Variants in SLFN14 observed in about 807,000 individuals in gnomAD.
SLFN14 encodes protein SLFN14.
A neutral mutation model predicts 58.6 loss-of-function variants in SLFN14; 47 were observed. That is an observed-to-expected ratio of 0.80 (90% CI 0.64 to 1.02). The LOEUF (loss-of-function observed/expected upper bound fraction) is 1.02. Among genes scored for constraint, SLFN14 ranks in the 50% least tolerant of loss-of-function variants. The pLI is 0.00. For synonymous variants in SLFN14, 390 were observed against 387.3 expected (o/e 1.01, Z -0.08); for missense variants, 967 against 1,078.4 (o/e 0.90, Z 1.45).
Position 35,554,576 on chromosome 17 carries a change from C to G in SLFN14, c.1189G>C (p.Val397Leu), listed in dbSNP as rs1340834426. The G allele has an allele frequency of 2.6e-6, 4 of 1,523,234 alleles. No homozygotes were observed. In the East Asian group the frequency reaches 1.0e-4, roughly 39 times the overall value. The allele number at this position is 1,523,234 out of a possible 1,614,324, so 94.4% of individuals were successfully genotyped here. The change falls in exon 4 of 6, where the codon GTG becomes CTG. Residue 397 changes from valine to leucine, a missense_variant and splice_region_variant. Transcript: ENST00000674182. ...KEALQRHLFPVTQEEVQFKPE... is the reference protein window; with the variant it reads ...KEALQRHLFPLTQEEVQFKPE... ...CTAAGTTGAAATCAAGAGGGAATAC[C>G]TGGAAACAAATGTCGTTGCAGAGCC... is the stretch of plus-strand genomic sequence containing the variant.
chr17:35,553,226 A>G lies in SLFN14; in HGVS notation c.1408T>C (p.Tyr470His). Residue 470 changes from tyrosine to histidine, a missense_variant, in exon 5 of 6, where the codon TAT becomes CAT. Physicochemically the swap from Tyr to His is moderately conservative, Grantham distance 83. Coordinates refer to ENST00000674182, the MANE Select transcript of SLFN14 (RefSeq NM_001129820.2). ...CAATTGGGGTCTATTAAGATTGTAT[A>G]GAGTACCACGGGGCTGTTAACTGCT... ...LIAVNSPVVL[Y>H]TILIDPNWPG... 1 of 1,551,714 alleles carries G rather than the reference A, an allele frequency of 6.4e-7. No individual in the cohort carries two copies. The highest frequency in any genetic ancestry group is 2.4e-5 in the East Asian group (1 of 40,926).
At chr17:35,556,960 G>A (rs545650726) in intron 3 of SLFN14, 43 bp downstream of exon 3, 1 of 1,482,154 alleles carries the variant, frequency 6.7e-7, no homozygotes, top group African/African-American at 1.4e-5. Flanking sequence ...AGAGAAAGGG[G>A]TTCCTCCCTG....
In SLFN14 at chr17:35,557,850, G is replaced by C; in HGVS notation, c.213C>G (p.Tyr71Ter). 6.4e-7 allele frequency: 1 copy of C among 1,551,668 alleles called. No homozygotes were observed. Residue 71 changes from tyrosine (Y) to a stop codon, truncating the protein, a stop_gained, in exon 3 of 6, where the codon TAC (tyrosine) becomes TAG (stop). Transcript: ENST00000674182. LOFTEE classifies it high-confidence loss of function. The stretch of plus-strand genomic sequence containing the variant: ...AATCCTGTCCCAGCCCATGGCATTG[G>C]TAACTATAGGTTTTATCATCAATCT... ...KAEIDDKTYS[Y>*]QCHGLGQDLE...
Position 35,557,834 on chromosome 17 carries a change from C to T in SLFN14, c.229G>A (p.Gly77Arg), listed in dbSNP as rs1463851112. 3.9e-6 allele frequency: 6 copies of T among 1,551,580 alleles called. No homozygotes were observed. Among genetic ancestry groups the T allele is most frequent in the Non-Finnish European group, 5.2e-6 (6 of 1,147,002 alleles). ...TGAAAAGAAGTTTCCAAATCCTGTC[C>T]CAGCCCATGGCATTGGTAACTATAG... ...KTYSYQCHGL[G>R]QDLETSFQKL... Residue 77 changes from glycine (G) to arginine (R), a missense_variant, in exon 3 of 6, where the codon GGA becomes AGA. Transcript: ENST00000674182.
In SLFN14 at chr17:35,547,757, A is replaced by G. The variant is rs2072545303; in HGVS notation, c.*482T>C. ...TAACCAGCCTGGAGGGCACCATACC[A>G]CCACCCAAAAATTATGCCAGGTGGG... On this transcript the variant is annotated 3_prime_UTR_variant, in exon 6 of 6. Coordinates refer to ENST00000674182, the MANE Select transcript of SLFN14 (RefSeq NM_001129820.2). Among the ~76,000 whole-genome samples, 1 of 152,158 alleles carries G rather than the reference A, an allele frequency of 6.6e-6. No homozygotes were observed.
In SLFN14 at chr17:35,546,438, C is replaced by T. The variant is rs555922544; in HGVS notation, c.*1801G>A. Among the ~76,000 whole-genome samples the T allele has an allele frequency of 2.4e-4, 37 of 152,326 alleles. No individual in the cohort carries two copies. The highest frequency in any genetic ancestry group is 8.9e-4 in the African/African-American group (37 of 41,570). On this transcript the variant is annotated 3_prime_UTR_variant, in exon 6 of 6. Coordinates refer to ENST00000674182, the MANE Select transcript of SLFN14 (RefSeq NM_001129820.2). ...TTCAGAAAGGCAGCTAAGAGAGCTTCTCGAAACCCTGCCTGCTCTTCCACC... is the reference window on the plus strand; with the variant it reads ...TTCAGAAAGGCAGCTAAGAGAGCTTTTCGAAACCCTGCCTGCTCTTCCACC...
rs747657762 is a variant in SLFN14, at chr17:35,546,805, T to C, written c.*1434A>G. ...TTTGAAAAAGGATGTGATTGCCAAGTAAGGATTTCAAAGGTGGAGGGGACA... is the reference window on the plus strand; with the variant it reads ...TTTGAAAAAGGATGTGATTGCCAAGCAAGGATTTCAAAGGTGGAGGGGACA... On this transcript the variant is annotated 3_prime_UTR_variant, in exon 6 of 6. Transcript: ENST00000674182. Among the ~76,000 whole-genome samples the C allele has an allele frequency of 3.9e-5, 6 of 152,150 alleles. No homozygotes were observed. Among genetic ancestry groups the C allele is most frequent in the Non-Finnish European group, 7.3e-5 (5 of 68,028 alleles).
chr17:35,560,058 A>C (rs1411708992), intron 1 of SLFN14, among the ~76,000 whole-genome samples: 1 of 152,072 alleles, frequency 6.6e-6, no homozygotes, highest in Non-Finnish European at 1.5e-5. Flanking sequence ...TGAGCAACTC[A>C]CTACCTATCA....
rs2072531189 is a variant in SLFN14 at position 35,545,929 on chromosome 17, G to T, written c.*2310C>A. The stretch of plus-strand genomic sequence containing the variant: ...CCCAGGAAATTATAATGAGCATCCA[G>T]GGTTGAGAATCACTGAGTTAGTTAT... On this transcript the variant is annotated 3_prime_UTR_variant, in exon 6 of 6. Coordinates refer to ENST00000674182, the MANE Select transcript of SLFN14 (RefSeq NM_001129820.2). Among the ~76,000 whole-genome samples the T allele has an allele frequency of 1.3e-5, 2 of 152,076 alleles. No homozygotes were observed. The highest frequency in any genetic ancestry group is 1.3e-4 in the Admixed American group (2 of 15,256).
chr17:35,548,336 G>T lies in SLFN14; in HGVS notation c.2642C>A (p.Pro881Gln). 1 of 1,551,664 alleles carries T rather than the reference G, an allele frequency of 6.4e-7. No homozygotes were observed. Among genetic ancestry groups the T allele is most frequent in the Non-Finnish European group, 8.7e-7 (1 of 1,146,984 alleles). The part of the protein sequence containing the change: ...LERTVVFGLS[P>Q]ECDQSEEFHK... ...AAATTCCTCTGACTGGTCACATTCT[G>T]GACTAAGCCCAAACACGACAGTCCT... The change falls in exon 6 of 6, where the codon CCA becomes CAA. Residue 881 changes from proline to glutamine, a missense_variant. By Grantham distance (76) the Pro-to-Gln change is moderately conservative (BLOSUM62 -1). Transcript: ENST00000674182.
chr17:35,552,423 C>T (rs972290743), intron 5 of SLFN14, among the ~76,000 whole-genome samples: 2 of 151,852 alleles, frequency 1.3e-5, no homozygotes, highest in Admixed American at 6.6e-5. Context: ...GCTAATTAGG[C>T]AAAAACAAGA....
intron 1 of SLFN14, among the ~76,000 whole-genome samples, 78 bp downstream of exon 1, chr17:35,560,689 C>T (rs1162025958): frequency 6.6e-6 from 1 of 151,952 alleles, no homozygotes. Flanking sequence ...TTTACTAATC[C>T]CTCATGCCCT....
Position 35,557,703 on chromosome 17 carries a change from T to C in SLFN14, c.360A>G (p.Pro120=), listed in dbSNP as rs145261252. The stretch of plus-strand genomic sequence containing the variant: ...TGGAGCGCAAGCTGCAAATCCTTAG[T>C]GGAAGGCTGAAAACATCTGGGCTCC... ...KSWSPDVFSL[P]LRICSLRSNL... is the part of the protein sequence containing the mutation. Residue 120 remains proline, a synonymous_variant, in exon 3 of 6, where the codon CCA becomes CCG. Transcript: ENST00000674182. 1.6e-4 allele frequency: 256 copies of C among 1,551,696 alleles called. 1 individual carries two copies. In the African/African-American group the frequency reaches 3.0e-3, roughly 18 times the overall value.
rs376832252 is a variant in SLFN14, at chr17:35,548,992, A to G, written c.1986T>C (p.Asp662=). 2.5e-4 allele frequency: 386 copies of G among 1,551,684 alleles called. No individual in the cohort carries two copies. The African/African-American group carries it at 4.5e-3, about 18-fold the overall frequency. ...ATTTGCTGCAGAAATTCTCAGTCTCATCCATCACTATGTGTTTAATCTTTA... is the reference window on the plus strand; with the variant it reads ...ATTTGCTGCAGAAATTCTCAGTCTCGTCCATCACTATGTGTTTAATCTTTA... The part of the protein sequence containing the change: ...EFLKIKHIVM[D]ETENFCSKYG... Residue 662 remains aspartate (D), a synonymous_variant, in exon 6 of 6, where the codon GAT becomes GAC. Transcript: ENST00000674182.
rs1271600754 is a variant in SLFN14 at position 35,549,023 on chromosome 17, T to A, written c.1955A>T (p.Glu652Val). ...CACTATGTGTTTAATCTTTAGAAAC[T>A]CCCCTTGCATGAAAGTTTTCCTGGT... ...AVTRKTFMQG[E>V]FLKIKHIVMD... is the part of the protein sequence containing the mutation. Residue 652 changes from glutamate to valine, a missense_variant, in exon 6 of 6, where the codon GAG becomes GTG. Transcript: ENST00000674182. 55 of 1,551,644 alleles carry A rather than the reference T, an allele frequency of 3.5e-5. No homozygotes were observed. In the East Asian group the frequency reaches 1.3e-3, roughly 38 times the overall value.
At position 35,545,177 on chromosome 17, in the gene SLFN14, T is replaced by A. The variant is rs544931567; in HGVS notation, c.*3062A>T. ...TCCCTTATTCTTCATTATTACAGTG[T>A]TAAAGATTATTCTCCACACTGACTT... is the stretch of plus-strand genomic sequence containing the variant. On this transcript the variant is annotated 3_prime_UTR_variant, in exon 6 of 6. Coordinates refer to ENST00000674182, the MANE Select transcript of SLFN14 (RefSeq NM_001129820.2). Among the ~76,000 whole-genome samples, 56 of 152,334 alleles carry A rather than the reference T, an allele frequency of 3.7e-4. No individual in the cohort carries two copies. Among genetic ancestry groups the A allele is most frequent in the African/African-American group, 1.3e-3 (56 of 41,584 alleles).
At chr17:35,560,101 G>A (rs372664205) in intron 1 of SLFN14, among the ~76,000 whole-genome samples, 4 of 152,236 alleles carry the variant, frequency 2.6e-5, no homozygotes, top group East Asian at 3.9e-4. Context: ...AATTTCTGAC[G>A]TCTGTGTTAG....
In SLFN14 at chr17:35,557,896, C is replaced by G; in HGVS notation, c.167G>C (p.Gly56Ala). The G allele has an allele frequency of 6.4e-7, 1 of 1,551,748 alleles. No individual in the cohort carries two copies. Among genetic ancestry groups the G allele is most frequent in the Admixed American group, 2.0e-5 (1 of 51,008 alleles). Reference protein sequence around the residue: ...IRAICALLNSGGGVIKAEIDD... With the variant: ...IRAICALLNSAGGVIKAEIDD... ...AATCTCTGCTTTGATCACACCACCT[C>G]CAGAATTTAACAGTGCACATATAGC... The change falls in exon 3 of 6, where the codon GGA becomes GCA. Residue 56 changes from glycine to alanine, a missense_variant. By Grantham distance (60) the Gly-to-Ala change is moderately conservative (BLOSUM62 0). Coordinates refer to ENST00000674182, the MANE Select transcript of SLFN14 (RefSeq NM_001129820.2).
At position 35,547,591 on chromosome 17, in the gene SLFN14, G is replaced by T. The variant is rs1407904617; in HGVS notation, c.*648C>A. The stretch of plus-strand genomic sequence containing the variant: ...GTATGCATTGGTCCTTTGTGAGCTT[G>T]ATTAGCATAAAGCATCCCCAAGAGA... On this transcript the variant is annotated 3_prime_UTR_variant, in exon 6 of 6. Transcript: ENST00000674182. Among the ~76,000 whole-genome samples the T allele has an allele frequency of 6.6e-6, 1 of 152,180 alleles. No homozygotes were observed. The highest frequency in any genetic ancestry group is 2.4e-5 in the African/African-American group (1 of 41,440).
Sources: gnomAD v4.1 joint callset for allele counts (sites outside exome capture counted in the v4.1 genomes callset) on GRCh38, gnomAD v4.1.1 for gene constraint, MANE v1.5 for transcripts, NCBI Gene and HGNC (gene_info 2026-07-23, HGNC 2026-07-21) for gene names.